TRAM2: variants seen among roughly 807,000 people sequenced by gnomAD.
TRAM2 encodes the protein translocation associated membrane protein 2, also known as translocating chain-associated membrane protein 2.
TRAM2 carries 12 observed loss-of-function variants against 51.0 expected under a neutral mutation model. The observed-to-expected ratio is 0.24, with a 90% CI of 0.15 to 0.38. The LOEUF is 0.38. Ranked by LOEUF, TRAM2 falls within the 10% of genes least tolerant of loss-of-function variation. The pLI is 1.00. For missense variants in TRAM2, 361 were observed against 462.0 expected, an observed-to-expected ratio of 0.78 and a Z score of 2.00; for synonymous variants, 175 against 179.4, an observed-to-expected ratio of 0.98 and a Z score of 0.20.
intron 1 of TRAM2, among the ~76,000 whole-genome samples, chr6:52,562,459 T>A (rs1207407229): frequency 1.3e-5 from 2 of 152,166 alleles, no homozygotes; most frequent in Admixed American, 6.5e-5. Context: ...ATATAATCAA[T>A]AGGAGAGAGC....
At position 52,504,747 on chromosome 6, in the gene TRAM2, C is replaced by A. The variant is rs369134558; in HGVS notation, c.883G>T (p.Val295Leu). 1 of 1,605,228 alleles carries A rather than the reference C, an allele frequency of 6.2e-7. No homozygotes were observed. The highest frequency in any genetic ancestry group is 1.7e-5 in the Admixed American group (1 of 58,890). Residue 295 changes from valine to leucine, a missense_variant, in exon 10 of 11, where the codon GTG becomes TTG. Coordinates refer to ENST00000182527, the MANE Select transcript of TRAM2 (RefSeq NM_012288.4). ...NFNTLFCRLC[V>L]LLLVCAAQAW... is the part of the protein sequence containing the mutation. Reference sequence around the variant, plus strand: ...TGGGCGGCACACACCAGCAGCAGCACGCAGAGCCTGCAGAGCAGGGGGTTA... The same window carrying A: ...TGGGCGGCACACACCAGCAGCAGCAAGCAGAGCCTGCAGAGCAGGGGGTTA...
chr6:52,561,435 G>GC (rs1424850875), intron 1 of TRAM2, among the ~76,000 whole-genome samples: 2 of 151,032 alleles, frequency 1.3e-5, no homozygotes, highest in Non-Finnish European at 2.9e-5. Flanking sequence ...GGTATATGCC[G>GC]CCATGCCTGG....
chr6:52,503,091 G>C lies in TRAM2; in HGVS notation c.*106C>G. Reference sequence around the variant, plus strand: ...ATTGCAAGACAGGTTTCGGCTGTTTGAGACGGAGCATCACAGGCAGGAAGG... The same window carrying C: ...ATTGCAAGACAGGTTTCGGCTGTTTCAGACGGAGCATCACAGGCAGGAAGG... On this transcript the variant is annotated 3_prime_UTR_variant, in exon 11 of 11. Coordinates refer to ENST00000182527, the MANE Select transcript of TRAM2 (RefSeq NM_012288.4). 1 of 965,848 alleles carries C rather than the reference G, an allele frequency of 1.0e-6. No homozygotes were observed. Among genetic ancestry groups the C allele is most frequent in the Non-Finnish European group, 1.7e-6 (1 of 600,364 alleles). The allele number at this position is 965,848 out of a possible 1,614,324, so 59.8% of individuals were successfully genotyped here.
intron 1 of TRAM2, among the ~76,000 whole-genome samples, chr6:52,542,962 G>C (rs1373032772): frequency 6.6e-6 from 1 of 152,174 alleles, no homozygotes; most frequent in Admixed American, 6.5e-5. Context: ...GAAAAACAGA[G>C]GGTGGCCTAG....
intron 7 of TRAM2, among the ~76,000 whole-genome samples, chr6:52,506,834 T>C (rs970478463): frequency 6.6e-6 from 1 of 152,130 alleles, no homozygotes; most frequent in Non-Finnish European, 1.5e-5. Flanking sequence ...AAGTCAGTCA[T>C]TCACACAGGA....
At chr6:52,553,386 A>G (rs1164410544) in intron 1 of TRAM2, among the ~76,000 whole-genome samples, 1 of 152,254 alleles carries the variant, frequency 6.6e-6, no homozygotes, top group Non-Finnish European at 1.5e-5. Flanking sequence ...ACAGCCTAGC[A>G]TTTCCCAGGG....
chr6:52,552,222 T>G (rs1433186839), intron 1 of TRAM2, among the ~76,000 whole-genome samples: 1 of 152,148 alleles, frequency 6.6e-6, no homozygotes, highest in Non-Finnish European at 1.5e-5. Context: ...TCCTCCCCCA[T>G]GCAAAGCCCA....
chr6:52,541,462 A>G (rs1300781622), intron 1 of TRAM2, among the ~76,000 whole-genome samples: 1 of 152,228 alleles, frequency 6.6e-6, no homozygotes, highest in African/African-American at 2.4e-5. Context: ...ACTTTACCTG[A>G]TTCTACTTAC....
At position 52,531,110 on chromosome 6, in the gene TRAM2, C is replaced by G. The variant is rs1766882283; in HGVS notation, c.184+4673G>C. ...AGAAACCTTAGAAGTCAGAATTTAC[C>G]CTGGTTATGCAAAAAAAAAAAAAAA... On this transcript the variant is annotated intron_variant, in intron 2 of 10. Transcript: ENST00000182527. Among the ~76,000 whole-genome samples, 3 of 111,088 alleles carry G rather than the reference C, an allele frequency of 2.7e-5. No homozygotes were observed. The Admixed American group carries it at 2.9e-4, about 11-fold the overall frequency. The allele number at this position is 111,088 out of a possible 152,430, so 72.9% of individuals were successfully genotyped here.
At chr6:52,516,904 G>C (rs1237929901) in intron 2 of TRAM2, 167 bp from the exon 3 acceptor site, 1 of 613,358 alleles carries the variant, frequency 1.6e-6, no homozygotes, top group Non-Finnish European at 2.9e-6. Flanking sequence ...CCACCCTCTG[G>C]TCTTAGCACT....
intron 1 of TRAM2, among the ~76,000 whole-genome samples, chr6:52,569,154 G>A (rs1767635588): frequency 6.6e-6 from 1 of 152,164 alleles, no homozygotes; most frequent in Non-Finnish European, 1.5e-5. Flanking sequence ...CAACACTTTG[G>A]GAGGCCAAGG....
At chr6:52,563,831 G>A (rs1192046769) in intron 1 of TRAM2, among the ~76,000 whole-genome samples, 5 of 148,552 alleles carry the variant, frequency 3.4e-5, no homozygotes, top group African/African-American at 1.2e-4. Flanking sequence ...TCACCTAATG[G>A]TACCTAATCA....
At chr6:52,568,984 G>C (rs1562490725) in intron 1 of TRAM2, among the ~76,000 whole-genome samples, 1 of 152,178 alleles carries the variant, frequency 6.6e-6, no homozygotes, top group African/African-American at 2.4e-5. Context: ...AAAGACATTA[G>C]AGATCATGTT....
chr6:52,518,878 G>A (rs1028427), intron 2 of TRAM2, among the ~76,000 whole-genome samples: 30,472 of 152,046 alleles, frequency 0.2, 3,990 homozygotes, highest in Non-Finnish European at 0.29. Context: ...TCCTTACTAG[G>A]CATAATGGGA....
rs1766164531 is a variant in TRAM2 at position 52,499,628 on chromosome 6, A to C, written c.*3569T>G. On this transcript the variant is annotated 3_prime_UTR_variant, in exon 11 of 11. Coordinates refer to ENST00000182527, the MANE Select transcript of TRAM2 (RefSeq NM_012288.4). ...AAAAAAGAAGGGGTACTGACAAAGG[A>C]GGTCCCAAAAGAGACCCCAGAAGCA... 1 of 152,106 alleles carries C rather than the reference A, an allele frequency of 6.6e-6. No homozygotes were observed. The highest frequency in any genetic ancestry group is 1.5e-5 in the Non-Finnish European group (1 of 68,012). The allele number at this position is 152,106 out of a possible 1,614,324, so 9.4% of individuals were successfully genotyped here. A position where few individuals can be genotyped will look rare whatever the true frequency, so the allele number is the denominator to read the frequency against.
chr6:52,507,589 A>G lies in TRAM2; in HGVS notation c.590T>C (p.Leu197Pro). 1 of 1,614,226 alleles carries G rather than the reference A, an allele frequency of 6.2e-7. No individual in the cohort carries two copies. The highest frequency in any genetic ancestry group is 8.5e-7 in the Non-Finnish European group (1 of 1,180,034). Residue 197 changes from leucine to proline, a missense_variant, in exon 7 of 11, where the codon CTG becomes CCG. Physicochemically the swap from Leu to Pro is moderately conservative, Grantham distance 98. Coordinates refer to ENST00000182527, the MANE Select transcript of TRAM2 (RefSeq NM_012288.4). ...TGCTCCAGCTATATGCACCAGGTAC[A>G]GGCAAATATACTGGAGCTGGCGGGG... ...EIPRQLQYIC[L>P]YLVHIAGAYL...
chr6:52,575,105 GATAA>G (rs1408939677), intron 1 of TRAM2, among the ~76,000 whole-genome samples: 1 of 152,212 alleles, frequency 6.6e-6, no homozygotes, highest in Non-Finnish European at 1.5e-5. Context: ...CTATTATTAT[GATAA>G]ATAATCACAG....
At chr6:52,520,341 G>A (rs1037261508) in intron 2 of TRAM2, among the ~76,000 whole-genome samples, 1 of 152,188 alleles carries the variant, frequency 6.6e-6, no homozygotes, top group South Asian at 2.1e-4. Context: ...TTCGTCACAT[G>A]TTCATAGAGA....
chr6:52,574,204 G>C (rs1029496047), intron 1 of TRAM2, among the ~76,000 whole-genome samples: 1 of 152,104 alleles, frequency 6.6e-6, no homozygotes, highest in Non-Finnish European at 1.5e-5. Context: ...TATCCAGCCA[G>C]TCCTGTGCTT....
Sources: allele counts gnomAD v4.1 joint callset (sites outside exome capture counted in the v4.1 genomes callset), GRCh38; gene constraint gnomAD v4.1.1; transcripts MANE v1.5; gene names NCBI Gene and HGNC (gene_info 2026-07-23, HGNC 2026-07-21).